SLC25A24: variants seen among roughly 807,000 people sequenced by gnomAD.
SLC25A24 encodes the protein solute carrier family 25 member 24.
A neutral mutation model predicts 60.7 loss-of-function variants in SLC25A24; 49 were observed. The observed-to-expected ratio is 0.81, with a 90% CI of 0.64 to 1.02. SLC25A24 has a LOEUF of 1.02. Among genes scored for constraint, SLC25A24 ranks in the 50% least tolerant of loss-of-function variants. SLC25A24 has a pLI of 0.00. For missense variants in SLC25A24, 564 were observed against 586.3 expected, an observed-to-expected ratio of 0.96 and a Z score of 0.39; for synonymous variants, 202 against 200.6, an observed-to-expected ratio of 1.01 and a Z score of -0.06.
chr1:108,177,823 G>T (rs1002304065), intron 3 of SLC25A24, among the ~76,000 whole-genome samples: 1 of 152,052 alleles, frequency 6.6e-6, no homozygotes, highest in Non-Finnish European at 1.5e-5. Context: ...TGTAGCTATT[G>T]TTTTTTATAA....
chr1:108,170,593 C>A (rs949264739), intron 3 of SLC25A24, among the ~76,000 whole-genome samples: 3 of 151,936 alleles, frequency 2.0e-5, no homozygotes, highest in Non-Finnish European at 4.4e-5. Context: ...GCCAATTAAT[C>A]CCCAGAATTT....
At chr1:108,137,678 T>A (rs1423266214) in intron 9 of SLC25A24, among the ~76,000 whole-genome samples, 1 of 152,186 alleles carries the variant, frequency 6.6e-6, no homozygotes, top group Non-Finnish European at 1.5e-5. Context: ...TCATGCAAAG[T>A]TCTGGATCAG....
chr1:108,180,217 T>A (rs1210279402), intron 3 of SLC25A24, among the ~76,000 whole-genome samples: 1 of 147,964 alleles, frequency 6.8e-6, no homozygotes, highest in Non-Finnish European at 1.5e-5. Flanking sequence ...TAAAAAAAAA[T>A]AGCCAGGCGT....
At chr1:108,168,028 G>T (rs144668512) in intron 3 of SLC25A24, among the ~76,000 whole-genome samples, 1 of 152,056 alleles carries the variant, frequency 6.6e-6, no homozygotes, top group Admixed American at 6.6e-5. Context: ...GCACAAAGAA[G>T]GTGCTCATTT....
In SLC25A24 at chr1:108,164,881, T is replaced by A. The variant is rs560299642; in HGVS notation, c.399-3588A>T. On this transcript the variant is annotated intron_variant, in intron 3 of 9. Coordinates refer to ENST00000565488, the MANE Select transcript of SLC25A24 (RefSeq NM_013386.5). ...GCTTTTCTAGTTCTTTTAATTGTGATGTTAGGGTGTCAATTTTGGATCTTT... is the reference window on the plus strand; with the variant it reads ...GCTTTTCTAGTTCTTTTAATTGTGAAGTTAGGGTGTCAATTTTGGATCTTT... 1.5e-3 allele frequency among the ~76,000 whole-genome samples: 160 copies of A among 106,126 alleles called. 8 individuals are homozygous for A. In the East Asian group the frequency reaches 0.037, roughly 24 times the overall value. 69.6% of individuals were successfully genotyped at this position (106,126 alleles called of 152,430 possible). A position where few individuals can be genotyped will look rare whatever the true frequency, so the allele number is the denominator to read the frequency against.
At chr1:108,137,938 TAA>T (rs1298896850) in intron 9 of SLC25A24, among the ~76,000 whole-genome samples, 1 of 152,194 alleles carries the variant, frequency 6.6e-6, no homozygotes, top group Non-Finnish European at 1.5e-5. Context: ...CTCAGCTCCT[TAA>T]ATACACCATG....
At chr1:108,171,887 A>G (rs193161943) in intron 3 of SLC25A24, among the ~76,000 whole-genome samples, 25 of 152,328 alleles carry the variant, frequency 1.6e-4, no homozygotes, top group Non-Finnish European at 2.9e-4. Flanking sequence ...TAGTAAGTAG[A>G]GTAGAATTAA....
intron 8 of SLC25A24, among the ~76,000 whole-genome samples, chr1:108,142,276 C>G (rs1476640994): frequency 1.3e-5 from 2 of 152,090 alleles, no homozygotes; most frequent in Non-Finnish European, 2.9e-5. Flanking sequence ...GATATATACC[C>G]AAAGGAATTG....
intron 5 of SLC25A24, 47 bp from the exon 6 acceptor site, chr1:108,155,182 A>T: frequency 6.5e-7 from 1 of 1,536,754 alleles, no homozygotes; most frequent in Non-Finnish European, 8.8e-7. Flanking sequence ...GCATATTACT[A>T]TTACTTTTTC....
intron 3 of SLC25A24, among the ~76,000 whole-genome samples, chr1:108,180,616 ATCTCTCTCTCTCTCTCTCTCTCTCTCTC>A (rs3043349): frequency 4.9e-5 from 3 of 61,748 alleles, no homozygotes; most frequent in African/African-American, 2.1e-4. Flanking sequence ...CAAGAGAAAG[ATCTCTCTCTCTCTCTCTCTCTCTCTCTC>A]TCTCTCTCTC....
At chr1:108,185,416 GAAAGTTTTTTA>G (rs1357870005) in intron 2 of SLC25A24, among the ~76,000 whole-genome samples, 2 of 152,130 alleles carry the variant, frequency 1.3e-5, no homozygotes, top group African/African-American at 4.8e-5. Flanking sequence ...AAGATAATCT[GAAAGTTTTTTA>G]AATTTTAGAT....
Position 108,161,229 on chromosome 1 carries a change from G to A in SLC25A24, c.463C>T (p.Pro155Ser). The A allele has an allele frequency of 6.2e-7, 1 of 1,601,846 alleles. No homozygotes were observed. The highest frequency in any genetic ancestry group is 8.6e-7 in the Non-Finnish European group (1 of 1,169,444). Residue 155 changes from proline (P) to serine (S), a missense_variant, in exon 4 of 10, where the codon CCT (proline) becomes TCT (serine). Pro to Ser is a moderately conservative substitution (Grantham distance 74, BLOSUM62 -1). Transcript: ENST00000565488. ...NEWRDYFLFN[P>S]VTDIEEIIRF... ...ATAATTTCCTCAATGTCTGTAACAG[G>A]ATTAAATAAGAAGTAGTCTCTCCAT...
intron 8 of SLC25A24, among the ~76,000 whole-genome samples, chr1:108,142,445 A>T (rs1403817416): frequency 6.6e-6 from 1 of 152,256 alleles, no homozygotes; most frequent in Non-Finnish European, 1.5e-5. Flanking sequence ...CCATGAAAAG[A>T]AATGAAGTTC....
Position 108,200,270 on chromosome 1 carries a change from T to C in SLC25A24, c.-132A>G. 1.2e-6 allele frequency: 1 copy of C among 865,952 alleles called. No individual in the cohort carries two copies. The highest frequency in any genetic ancestry group is 1.6e-6 in the Non-Finnish European group (1 of 640,714). The allele number at this position is 865,952 out of a possible 1,614,324, so 53.6% of individuals were successfully genotyped here. ...AACAGCGTTTGGGGCGCCGTCGGGG[T>C]TGCGGCTGCGGCGCGCAGGGCGCAG... On this transcript the variant is annotated 5_prime_UTR_variant, in exon 1 of 10. Coordinates refer to ENST00000565488, the MANE Select transcript of SLC25A24 (RefSeq NM_013386.5).
chr1:108,148,547 C>T (rs1034121416), intron 6 of SLC25A24, among the ~76,000 whole-genome samples, 161 bp from the exon 7 acceptor site: 1 of 152,004 alleles, frequency 6.6e-6, no homozygotes, highest in African/African-American at 2.4e-5. Context: ...ATGGAGCCCT[C>T]ATGACAGGAT....
intron 1 of SLC25A24, 48 bp downstream of exon 1, chr1:108,199,908 C>A: frequency 6.8e-7 from 1 of 1,473,260 alleles, no homozygotes; most frequent in Non-Finnish European, 9.3e-7. Flanking sequence ...GTGTCCCCAG[C>A]GCCCGCAGCC....
chr1:108,138,747 A>G (rs1679359202), intron 9 of SLC25A24, among the ~76,000 whole-genome samples: 2 of 152,228 alleles, frequency 1.3e-5, no homozygotes, highest in South Asian at 4.1e-4. Flanking sequence ...ACCCAAATCC[A>G]TCAGATACTA....
intron 7 of SLC25A24, among the ~76,000 whole-genome samples, chr1:108,146,496 T>C (rs539676132): frequency 6.6e-6 from 1 of 152,310 alleles, no homozygotes; most frequent in South Asian, 2.1e-4. Flanking sequence ...CTTGTGCCGG[T>C]TTTCAAAGGG....
At chr1:108,170,587 A>G (rs1265240314) in intron 3 of SLC25A24, among the ~76,000 whole-genome samples, 22 of 152,112 alleles carry the variant, frequency 1.4e-4, no homozygotes, top group Non-Finnish European at 5.9e-5. Flanking sequence ...GGATTTGCCA[A>G]TTAATCCCCA....
Sources: gnomAD v4.1 joint callset for allele counts (sites outside exome capture counted in the v4.1 genomes callset) on GRCh38, gnomAD v4.1.1 for gene constraint, MANE v1.5 for transcripts, NCBI Gene and HGNC (gene_info 2026-07-23, HGNC 2026-07-21) for gene names.